JPH2: variants seen among roughly 807,000 people sequenced by gnomAD.
JPH2 encodes the protein junctophilin-2.
A neutral mutation model predicts 55.9 loss-of-function variants in JPH2; 38 were observed. The observed-to-expected ratio is 0.68, with a 90% CI of 0.52 to 0.89. The LOEUF is 0.89. JPH2 is among the 40% of genes least tolerant of loss of function. JPH2 has a pLI of 0.00. For missense variants in JPH2, 964 were observed against 1,037.6 expected (o/e 0.93, Z 0.97); for synonymous variants, 480 against 472.4 (o/e 1.02, Z -0.21).
At chr20:44,177,407 G>A (rs1410337371) in intron 1 of JPH2, 3 of 987,780 alleles carry the variant, frequency 3.0e-6, no homozygotes, top group African/African-American at 3.5e-5. Flanking sequence ...AATCCCAGAA[G>A]CCTGGCCTCG....
intron 2 of JPH2, among the ~76,000 whole-genome samples, chr20:44,135,160 C>G (rs138368627): frequency 0.012 from 1,804 of 151,794 alleles, 35 homozygotes; most frequent in African/African-American, 0.041. Context: ...CCTTCTTATG[C>G]CCCATCTAGT....
At chr20:44,135,391 T>C (rs1373865804) in intron 2 of JPH2, among the ~76,000 whole-genome samples, 3 of 152,174 alleles carry the variant, frequency 2.0e-5, no homozygotes, top group Non-Finnish European at 4.4e-5. Context: ...ATTGTTTCTA[T>C]GCCTGGGGTG....
chr20:44,125,512 A>C (rs1021425326), intron 2 of JPH2, among the ~76,000 whole-genome samples: 1 of 152,114 alleles, frequency 6.6e-6, no homozygotes, highest in Non-Finnish European at 1.5e-5. Context: ...TACCCATGAC[A>C]CCAAGCTGCT....
In JPH2 at chr20:44,107,565, T is replaced by C. The variant is rs2072115922; in HGVS notation, c.*5953A>G. Among the ~76,000 whole-genome samples the C allele has an allele frequency of 6.6e-6, 1 of 152,226 alleles. No homozygotes were observed. Among genetic ancestry groups the C allele is most frequent in the Admixed American group, 6.5e-5 (1 of 15,290 alleles). ...GCAGATGCAGAGACCAAAAAAGCCC[T>C]AGGATATGTAGAACCACAGATGGAA... On this transcript the variant is annotated 3_prime_UTR_variant, in exon 6 of 6. Coordinates refer to ENST00000372980, the MANE Select transcript of JPH2 (RefSeq NM_020433.5).
Position 44,108,061 on chromosome 20 carries a change from G to T in JPH2, c.*5457C>A, listed in dbSNP as rs1294416884. ...GCCTGACCTTTGGGTGTGGGGAGGG[G>T]TATGGAGGTTAAGTTCAACCATGTG... On this transcript the variant is annotated 3_prime_UTR_variant, in exon 6 of 6. Transcript: ENST00000372980. Among the ~76,000 whole-genome samples, 1 of 152,146 alleles carries T rather than the reference G, an allele frequency of 6.6e-6. No homozygotes were observed. Among genetic ancestry groups the T allele is most frequent in the Admixed American group, 6.5e-5 (1 of 15,280 alleles).
At chr20:44,137,611 G>A (rs1295265637) in intron 2 of JPH2, among the ~76,000 whole-genome samples, 4 of 152,220 alleles carry the variant, frequency 2.6e-5, no homozygotes, top group African/African-American at 9.6e-5. Flanking sequence ...AAGCCACCAG[G>A]CGGGGCCGAA....
At chr20:44,118,047 T>C (rs6031399) in intron 3 of JPH2, among the ~76,000 whole-genome samples, 3,849 of 152,336 alleles carry the variant, frequency 0.025, 46 homozygotes, top group Non-Finnish European at 0.035. Context: ...CTGTTTATGG[T>C]ACCCCTAGCT....
chr20:44,144,372 C>A (rs767783908), intron 2 of JPH2, among the ~76,000 whole-genome samples: 4 of 152,140 alleles, frequency 2.6e-5, no homozygotes, highest in African/African-American at 4.8e-5. Context: ...CCACCAAATG[C>A]CACGGCCACA....
At chr20:44,144,630 A>T (rs1473667355) in intron 2 of JPH2, among the ~76,000 whole-genome samples, 3 of 152,136 alleles carry the variant, frequency 2.0e-5, no homozygotes, top group Non-Finnish European at 4.4e-5. Context: ...TCAGCCTGGG[A>T]GCAGCTGAGA....
chr20:44,117,667 C>A (rs889666781), intron 3 of JPH2, among the ~76,000 whole-genome samples: 2 of 152,326 alleles, frequency 1.3e-5, no homozygotes, highest in African/African-American at 2.4e-5. Context: ...TTGAGACCCA[C>A]TGACTTGATA....
intron 2 of JPH2, among the ~76,000 whole-genome samples, chr20:44,123,817 C>T (rs1055337549): frequency 1.4e-4 from 22 of 152,206 alleles, no homozygotes; most frequent in Non-Finnish European, 2.6e-4. Flanking sequence ...TTGAGAAGCA[C>T]GTGTTCGGCG....
At chr20:44,176,833 CAATTT>C in intron 1 of JPH2, 1 of 979,786 alleles carries the variant, frequency 1.0e-6, no homozygotes, top group Non-Finnish European at 1.2e-6. Context: ...TAAAGGATTC[CAATTT>C]AATTAAAAAT....
chr20:44,117,689 A>G (rs1268652644), intron 3 of JPH2, among the ~76,000 whole-genome samples: 1 of 152,158 alleles, frequency 6.6e-6, no homozygotes, highest in Non-Finnish European at 1.5e-5. Context: ...ACTCTTGTTC[A>G]GCCTGCAAGA....
At chr20:44,117,678 G>T (rs2072203759) in intron 3 of JPH2, among the ~76,000 whole-genome samples, 1 of 152,166 alleles carries the variant, frequency 6.6e-6, no homozygotes, top group African/African-American at 2.4e-5. Flanking sequence ...TGACTTGATA[G>T]ACTCTTGTTC....
intron 2 of JPH2, among the ~76,000 whole-genome samples, chr20:44,134,889 A>AATATATATTTATATATATATAAAAT: frequency 2.7e-5 from 1 of 37,030 alleles, no homozygotes; most frequent in African/African-American, 1.1e-4. Flanking sequence ...TATATATATT[A>AATATATATTTATATATATATAAAAT]ATATATATTT....
intron 2 of JPH2, among the ~76,000 whole-genome samples, chr20:44,149,629 C>A (rs140915791): frequency 1.3e-5 from 2 of 152,174 alleles, no homozygotes; most frequent in Non-Finnish European, 2.9e-5. Context: ...CCTCTTCCCC[C>A]CAACCCCTGC....
chr20:44,153,104 GA>G (rs1179991140), intron 2 of JPH2, among the ~76,000 whole-genome samples: 7 of 152,346 alleles, frequency 4.6e-5, no homozygotes, highest in African/African-American at 1.7e-4. Context: ...TGCAGAAGAT[GA>G]ACATTTGGGA....
intron 2 of JPH2, among the ~76,000 whole-genome samples, chr20:44,132,355 G>GACACACACACACACAC (rs749014190): frequency 4.0e-5 from 4 of 101,214 alleles, no homozygotes; most frequent in Non-Finnish European, 4.2e-5. Flanking sequence ...CAGACAGACA[G>GACACACACACACACAC]ACACACACAC....
intron 2 of JPH2, among the ~76,000 whole-genome samples, chr20:44,146,234 C>T (rs188505345): frequency 7.4e-4 from 113 of 152,102 alleles, no homozygotes; most frequent in African/African-American, 2.6e-3. Context: ...AGGGTTTCAC[C>T]GTGTTAGCCA....
Sources: allele counts gnomAD v4.1 joint callset (sites outside exome capture counted in the v4.1 genomes callset), GRCh38; gene constraint gnomAD v4.1.1; transcripts MANE v1.5; gene names NCBI Gene and HGNC (gene_info 2026-07-23, HGNC 2026-07-21).